The following PTPRD variants were observed in gnomAD, a reference collection of about 807,000 sequenced individuals.
The protein encoded by PTPRD is protein tyrosine phosphatase receptor type D, also known as receptor-type tyrosine-protein phosphatase delta.
PTPRD carries 34 observed loss-of-function variants against 214.5 expected under a neutral mutation model. That is an observed-to-expected ratio of 0.16 (90% CI 0.12 to 0.21). The LOEUF is 0.21. PTPRD is among the 10% of genes least tolerant of loss of function. The pLI, the probability that PTPRD is intolerant of heterozygous loss-of-function variation, is 1.00. For synonymous variants in PTPRD, 1,128 were observed against 845.7 expected, an observed-to-expected ratio of 1.33 and a Z score of -5.79; for missense variants, 2,545 against 2,398.7, an observed-to-expected ratio of 1.06 and a Z score of -1.27.
chr9:9,522,072 G>A (rs144974529), intron 8 of PTPRD, among the ~76,000 whole-genome samples: 120 of 148,886 alleles, frequency 8.1e-4, no homozygotes, highest in African/African-American at 2.9e-3. Context: ...CAGGAGAATC[G>A]CTTGAAACTG....
At chr9:10,177,375 G>A (rs1253424743) in intron 3 of PTPRD, among the ~76,000 whole-genome samples, 2 of 151,548 alleles carry the variant, frequency 1.3e-5, no homozygotes, top group Non-Finnish European at 3.0e-5. Flanking sequence ...AAACCAAGGG[G>A]CTATAACAAA....
In PTPRD at chr9:9,433,436, T is replaced by C. The variant is rs146016420; in HGVS notation, c.-236-35954A>G. 4.6e-5 allele frequency among the ~76,000 whole-genome samples: 7 copies of C among 152,318 alleles called. No homozygotes were observed. In the East Asian group the frequency reaches 1.3e-3, roughly 29 times the overall value. On this transcript the variant is annotated intron_variant, in intron 8 of 45. Transcript: ENST00000381196. ...AAAGTGGCTTTATTAAGAAGGCTTA[T>C]ACATGTAGGTCACTTATTCAATGCA...
intron 3 of PTPRD, among the ~76,000 whole-genome samples, chr9:10,299,939 T>A (rs2095809629): frequency 6.6e-6 from 1 of 152,146 alleles, no homozygotes; most frequent in African/African-American, 2.4e-5. Flanking sequence ...ATAGAAAACT[T>A]GGTGTACTAA....
chr9:8,795,365 C>G (rs914058216), intron 11 of PTPRD, among the ~76,000 whole-genome samples: 4 of 152,066 alleles, frequency 2.6e-5, no homozygotes, highest in African/African-American at 9.7e-5. Flanking sequence ...CAGCGTTTCA[C>G]CACGGTTGGC....
chr9:9,158,144 G>A (rs10977535), intron 10 of PTPRD, among the ~76,000 whole-genome samples: 39,330 of 151,918 alleles, frequency 0.26, 6,309 homozygotes, highest in Non-Finnish European at 0.36. Flanking sequence ...TTGATTCCAC[G>A]ACTTTGCTGT....
intron 4 of PTPRD, among the ~76,000 whole-genome samples, chr9:10,010,892 GA>G (rs949896286): frequency 2.0e-5 from 3 of 150,060 alleles, no homozygotes; most frequent in Non-Finnish European, 4.5e-5. Context: ...CTAGTCAAAA[GA>G]AAAAAAAATC....
intron 9 of PTPRD, among the ~76,000 whole-genome samples, chr9:9,381,700 T>C (rs2062319331): frequency 7.2e-6 from 1 of 139,830 alleles, no homozygotes; most frequent in Admixed American, 7.2e-5. Flanking sequence ...TTTTGTTTTT[T>C]GTTTTTTGTT....
chr9:9,826,888 G>A (rs764839456), intron 5 of PTPRD, among the ~76,000 whole-genome samples: 1 of 151,998 alleles, frequency 6.6e-6, no homozygotes, highest in Non-Finnish European at 1.5e-5. Context: ...AATCATGAGT[G>A]AACTCACATT....
chr9:10,019,377 T>C lies in PTPRD; in HGVS notation c.-472+14341A>G, dbSNP rs199530551. Reference sequence around the variant, plus strand: ...TGTGGAAGTCAGTGTGGCGATTCCTTAGGGATCTAGAACTAGAAATACCAT... The same window carrying C: ...TGTGGAAGTCAGTGTGGCGATTCCTCAGGGATCTAGAACTAGAAATACCAT... On this transcript the variant is annotated intron_variant, in intron 4 of 45. Coordinates refer to ENST00000381196, the MANE Select transcript of PTPRD (RefSeq NM_002839.4). Among the ~76,000 whole-genome samples the C allele has an allele frequency of 1.2e-4, 18 of 152,178 alleles. No individual in the cohort carries two copies. The South Asian group carries it at 1.7e-3, about 14-fold the overall frequency.
chr9:9,544,280 C>T (rs1018065266), intron 8 of PTPRD, among the ~76,000 whole-genome samples: 19 of 151,556 alleles, frequency 1.3e-4, no homozygotes, highest in Admixed American at 4.6e-4. Context: ...TTAATTTCTG[C>T]GACATTTTAA....
At chr9:10,097,947 G>A (rs2098508988) in intron 3 of PTPRD, among the ~76,000 whole-genome samples, 2 of 151,752 alleles carry the variant, frequency 1.3e-5, no homozygotes, top group Non-Finnish European at 2.9e-5. Flanking sequence ...ATTCCTCAGG[G>A]ATCTAGAACT....
At chr9:9,482,236 A>T (rs1354888649) in intron 8 of PTPRD, among the ~76,000 whole-genome samples, 1 of 152,164 alleles carries the variant, frequency 6.6e-6, no homozygotes, top group African/African-American at 2.4e-5. Flanking sequence ...ATACCTGGAC[A>T]TTCCTAGATA....
chr9:9,828,830 T>A (rs747362812), intron 5 of PTPRD, among the ~76,000 whole-genome samples: 23 of 151,874 alleles, frequency 1.5e-4, no homozygotes, highest in Non-Finnish European at 3.2e-4. Context: ...AAGCATTTCA[T>A]GCTAGAAAGA....
At chr9:10,221,068 C>A (rs1432618988) in intron 3 of PTPRD, among the ~76,000 whole-genome samples, 1 of 151,982 alleles carries the variant, frequency 6.6e-6, no homozygotes, top group Non-Finnish European at 1.5e-5. Context: ...TTCTTTTCCT[C>A]CATACAGTTT....
intron 8 of PTPRD, among the ~76,000 whole-genome samples, chr9:9,420,405 C>G (rs2078345804): frequency 6.6e-6 from 1 of 151,802 alleles, no homozygotes; most frequent in African/African-American, 2.4e-5. Context: ...ACTGCCTCCC[C>G]TATTGTTTAT....
chr9:9,968,847 C>G (rs1376455205), intron 4 of PTPRD, among the ~76,000 whole-genome samples: 1 of 151,984 alleles, frequency 6.6e-6, no homozygotes, highest in Non-Finnish European at 1.5e-5. Context: ...GAAAAAGAAC[C>G]AAAGACACAG....
At chr9:9,269,995 T>C (rs910970599) in intron 9 of PTPRD, among the ~76,000 whole-genome samples, 1 of 150,262 alleles carries the variant, frequency 6.7e-6, no homozygotes, top group African/African-American at 2.4e-5. Context: ...AAATTAATAA[T>C]TTATTTTGTT....
At chr9:8,606,459 G>A (rs1176056732) in intron 14 of PTPRD, among the ~76,000 whole-genome samples, 1 of 152,128 alleles carries the variant, frequency 6.6e-6, no homozygotes, top group African/African-American at 2.4e-5. Context: ...AGAGACATAC[G>A]TTTCCTATGT....
chr9:9,297,008 C>T (rs77046227), intron 9 of PTPRD, among the ~76,000 whole-genome samples: 1 of 151,696 alleles, frequency 6.6e-6, no homozygotes, highest in Non-Finnish European at 1.5e-5. Flanking sequence ...CACCTTTAAG[C>T]AGACTGACTT....
Sources: allele counts gnomAD v4.1 joint callset (sites outside exome capture counted in the v4.1 genomes callset), GRCh38; gene constraint gnomAD v4.1.1; transcripts MANE v1.5; gene names NCBI Gene and HGNC (gene_info 2026-07-23, HGNC 2026-07-21).